SLC36A1: variants seen among roughly 807,000 people sequenced by gnomAD.
SLC36A1 encodes proton-coupled amino acid transporter 1.
A neutral mutation model predicts 47.5 loss-of-function variants in SLC36A1; 30 were observed. The ratio of observed to expected loss-of-function variants is 0.63; its 90% CI spans 0.47 to 0.86. The LOEUF (loss-of-function observed/expected upper bound fraction) is 0.86, where lower values mean the gene tolerates loss of function less well. Ranked by LOEUF, SLC36A1 falls within the 40% of genes least tolerant of loss-of-function variation. The pLI is 0.00. For missense variants in SLC36A1, 517 were observed against 606.0 expected, an observed-to-expected ratio of 0.85 and a Z score of 1.54; for synonymous variants, 255 against 249.7, an observed-to-expected ratio of 1.02 and a Z score of -0.20.
chr5:151,455,291 A>G lies in SLC36A1; in HGVS notation c.-5-3497A>G, dbSNP rs369205856. On this transcript the variant is annotated intron_variant, in intron 1 of 10. Transcript: ENST00000243389. ...GTTGGTTTATTTGGCATCTTGGATT[A>G]TATTATTGCCTTCTGTTGAGCTTAT... Among the ~76,000 whole-genome samples, 27 of 152,168 alleles carry G rather than the reference A, an allele frequency of 1.8e-4. No homozygotes were observed. The South Asian group carries it at 5.2e-3, about 29-fold the overall frequency.
chr5:151,365,760 GA>G, the SLC36A1 span, among the ~76,000 whole-genome samples: 2 of 152,196 alleles, frequency 1.3e-5, no homozygotes, highest in Non-Finnish European at 2.9e-5. Context: ...TTGGAACCTA[GA>G]TGTCCTTTTC....
At chr5:151,474,834 G>T (rs1336252599) in intron 8 of SLC36A1, among the ~76,000 whole-genome samples, 2 of 152,212 alleles carry the variant, frequency 1.3e-5, no homozygotes, top group Non-Finnish European at 2.9e-5. Flanking sequence ...GGCCAAGGGC[G>T]CCACAAATGG....
intron 1 of SLC36A1, among the ~76,000 whole-genome samples, chr5:151,456,783 G>A (rs1308042816): frequency 2.6e-5 from 4 of 152,198 alleles, no homozygotes; most frequent in African/African-American, 9.6e-5. Flanking sequence ...CAATTGTTGA[G>A]AGAAAATGCG....
the SLC36A1 span, chr5:151,419,884 A>G: frequency 6.6e-6 from 1 of 152,330 alleles, no homozygotes; most frequent in Non-Finnish European, 1.5e-5. Context: ...CAAGGAGAGG[A>G]CAAGATACCT....
the SLC36A1 span, chr5:151,540,742 A>C: frequency 6.2e-7 from 1 of 1,613,960 alleles, no homozygotes; most frequent in Non-Finnish European, 8.5e-7. Flanking sequence ...GCTGATGCCA[A>C]ACTGGCCCAG....
chr5:151,550,657 C>A, the SLC36A1 span: 2 of 1,614,216 alleles, frequency 1.2e-6, no homozygotes, highest in Non-Finnish European at 1.7e-6. Context: ...TACCAGGACA[C>A]CACTGCTTGG....
chr5:151,507,331 G>A, the SLC36A1 span: 2 of 1,614,206 alleles, frequency 1.2e-6, no homozygotes, highest in South Asian at 1.1e-5. Flanking sequence ...GGTTGGTTGA[G>A]GTTGTTGCAG....
the SLC36A1 span, chr5:151,545,244 C>A: frequency 6.2e-7 from 1 of 1,614,152 alleles, no homozygotes; most frequent in African/African-American, 1.3e-5. Flanking sequence ...TTTTGTCAAG[C>A]ACTTGGGTCA....
the SLC36A1 span, among the ~76,000 whole-genome samples, chr5:151,346,603 A>G: frequency 6.6e-6 from 1 of 152,138 alleles, no homozygotes; most frequent in Non-Finnish European, 1.5e-5. Flanking sequence ...GAACCTCTTC[A>G]CTACCACACC....
At chr5:151,409,156 C>T in the SLC36A1 span, among the ~76,000 whole-genome samples, 2 of 143,140 alleles carry the variant, frequency 1.4e-5, no homozygotes, top group South Asian at 2.4e-4. Flanking sequence ...CATGCCACTA[C>T]GCCTAGACAA....
the SLC36A1 span, among the ~76,000 whole-genome samples, chr5:151,513,424 TGA>T: frequency 1.2e-3 from 178 of 152,256 alleles, 1 homozygote; most frequent in African/African-American, 4.1e-3. Context: ...TAAAAAAGAA[TGA>T]GATTATGTCC....
the SLC36A1 span, chr5:151,406,676 G>A: frequency 6.6e-6 from 1 of 152,262 alleles, no homozygotes; most frequent in African/African-American, 2.4e-5. Flanking sequence ...CACATGGGCT[G>A]AACTTTCTGC....
chr5:151,463,592 T>C lies in SLC36A1; in HGVS notation c.183T>C (p.Ile61=). The C allele has an allele frequency of 6.2e-7, 1 of 1,614,218 alleles. No homozygotes were observed. Among genetic ancestry groups the C allele is most frequent in the Non-Finnish European group, 8.5e-7 (1 of 1,180,020 alleles). ...TGATCCACCTGTTAAAAGGCAACAT[T>C]GGCACAGGACTCCTGGGACTCCCTC... is the stretch of plus-strand genomic sequence containing the variant. The part of the protein sequence containing the change: ...QTLIHLLKGN[I]GTGLLGLPLA... Residue 61 remains isoleucine, a synonymous_variant, in exon 3 of 11, where the codon ATT becomes ATC. Transcript: ENST00000243389.
chr5:151,522,399 T>C, the SLC36A1 span, among the ~76,000 whole-genome samples: 1 of 152,242 alleles, frequency 6.6e-6, no homozygotes, highest in East Asian at 1.9e-4. Flanking sequence ...AGACTTGGGC[T>C]AACTTCCTCA....
the SLC36A1 span, among the ~76,000 whole-genome samples, chr5:151,379,914 G>C: frequency 2.6e-5 from 4 of 151,916 alleles, no homozygotes; most frequent in Non-Finnish European, 5.9e-5. Context: ...AGCATTAAGT[G>C]CTTATATTAG....
At position 151,467,646 on chromosome 5, in the gene SLC36A1, G is replaced by A. The variant is rs563646009; in HGVS notation, c.505-61G>A. Reference sequence around the variant, plus strand: ...TTCCTCAGGAACCTCTTCCAGCAGAGGATCCACCGGCCTCTGTTGTTTGAG... The same window carrying A: ...TTCCTCAGGAACCTCTTCCAGCAGAAGATCCACCGGCCTCTGTTGTTTGAG... On this transcript the variant is annotated intron_variant, in intron 6 of 10. Coordinates refer to ENST00000243389, the MANE Select transcript of SLC36A1 (RefSeq NM_078483.4). 3.6e-6 allele frequency: 5 copies of A among 1,405,934 alleles called. No individual in the cohort carries two copies. In the South Asian group the frequency reaches 4.7e-5, roughly 13 times the overall value. 87.1% of individuals were successfully genotyped at this position (1,405,934 alleles called of 1,614,324 possible).
chr5:151,506,211 T>A, the SLC36A1 span: 1 of 1,127,796 alleles, frequency 8.9e-7, no homozygotes, highest in Non-Finnish European at 1.2e-6. Context: ...TGGGTGGGCA[T>A]AGGCCCATCT....
chr5:151,436,024 C>T (rs144326530), upstream of SLC36A1, among the ~76,000 whole-genome samples: 126 of 152,150 alleles, frequency 8.3e-4, no homozygotes, highest in African/African-American at 2.6e-3. Context: ...GCCCCTGCTA[C>T]TACTGTTTAT....
At chr5:151,535,807 T>C in the SLC36A1 span, among the ~76,000 whole-genome samples, 1 of 152,006 alleles carries the variant, frequency 6.6e-6, no homozygotes, top group African/African-American at 2.4e-5. Flanking sequence ...GTAGATAGTG[T>C]TGGAATTGAA....
Sources: gnomAD v4.1 joint callset for allele counts (sites outside exome capture counted in the v4.1 genomes callset) on GRCh38, gnomAD v4.1.1 for gene constraint, MANE v1.5 for transcripts, NCBI Gene and HGNC (gene_info 2026-07-23, HGNC 2026-07-21) for gene names.